NAA60: variants seen among roughly 807,000 people sequenced by gnomAD.
The protein encoded by NAA60 is N-alpha-acetyltransferase 60, NatF catalytic subunit.
Under a neutral mutation model 26.1 loss-of-function variants are expected in NAA60, and 8 were observed. The ratio of observed to expected loss-of-function variants is 0.31; its 90% confidence interval spans 0.18 to 0.55. The LOEUF (loss-of-function observed/expected upper bound fraction) is 0.55, where lower values mean the gene tolerates loss of function less well. Among genes scored for constraint, NAA60 ranks in the 20% least tolerant of loss-of-function variants. NAA60 has a pLI of 0.93. For synonymous variants in NAA60, 131 were observed against 122.5 expected (o/e 1.07, Z -0.46); for missense variants, 290 against 311.3 (o/e 0.93, Z 0.51).
chr16:3,458,014 G>A, intron 2 of NAA60: 3 of 985,340 alleles, frequency 3.0e-6, no homozygotes, highest in Non-Finnish European at 3.6e-6. Context: ...CTGCCGGCAG[G>A]GAGCGGGAGG....
intron 2 of NAA60, among the ~76,000 whole-genome samples, chr16:3,471,809 C>G (rs1055849247): frequency 2.0e-5 from 3 of 152,150 alleles, no homozygotes; most frequent in African/African-American, 7.2e-5. Flanking sequence ...CCAGGGTGGC[C>G]AGGTGGGCAG....
intron 4 of NAA60, among the ~76,000 whole-genome samples, chr16:3,482,219 C>G (rs905137603): frequency 6.6e-6 from 1 of 152,238 alleles, no homozygotes; most frequent in African/African-American, 2.4e-5. Flanking sequence ...GTGCTGGCAT[C>G]AGAGCCTCAT....
At chr16:3,455,843 A>G (rs574557691) in intron 2 of NAA60, among the ~76,000 whole-genome samples, 1 of 151,540 alleles carries the variant, frequency 6.6e-6, no homozygotes, top group African/African-American at 2.4e-5. Flanking sequence ...AGTAGCTGGG[A>G]TTACAGGCAC....
intron 2 of NAA60, chr16:3,457,929 C>T (rs2035084215): frequency 6.8e-6 from 6 of 879,288 alleles, no homozygotes; most frequent in Admixed American, 7.0e-5. Context: ...CCTGCCCGCT[C>T]CCAACATGGC....
chr16:3,478,732 G>A (rs985451263), intron 3 of NAA60, among the ~76,000 whole-genome samples: 4 of 152,084 alleles, frequency 2.6e-5, no homozygotes, highest in African/African-American at 7.2e-5. Context: ...AAACTCAAAC[G>A]CCTGTCAGCT....
intron 2 of NAA60, among the ~76,000 whole-genome samples, chr16:3,466,713 G>A (rs901812785): frequency 6.6e-6 from 1 of 152,164 alleles, no homozygotes; most frequent in Non-Finnish European, 1.5e-5. Context: ...GTGTGCTAAC[G>A]GGCAGGACTG....
In NAA60 at chr16:3,458,269, A is replaced by C. The variant is rs557188650; in HGVS notation, c.-7+9729A>C. The C allele has an allele frequency of 6.4e-5, 55 of 854,546 alleles. No individual in the cohort carries two copies. The African/African-American group carries it at 8.8e-4, about 14-fold the overall frequency. The allele number at this position is 854,546 out of a possible 1,614,324, so 52.9% of individuals were successfully genotyped here. A position where few individuals can be genotyped will look rare whatever the true frequency, so the allele number is the denominator to read the frequency against. On this transcript the variant is annotated intron_variant, in intron 2 of 7. Coordinates refer to ENST00000407558, the MANE Select transcript of NAA60 (RefSeq NM_001083601.3). ...TAGGCGGGGAGGCCGCGCCGGGGTC[A>C]GGGGGGCCAGCGCCCACCGGGTACG...
chr16:3,485,750 C>G lies in NAA60; in HGVS notation c.*490C>G, dbSNP rs762636312. On this transcript the variant is annotated 3_prime_UTR_variant, in exon 8 of 8. Transcript: ENST00000407558. ...AGGGGGCGCAATAAAGGGAATGGCC[C>G]GTCCCCTTCCAGAACCAGCCCAAAG... is the stretch of plus-strand genomic sequence containing the variant. The G allele has an allele frequency of 2.2e-5, 10 of 446,606 alleles. No homozygotes were observed. Among genetic ancestry groups the G allele is most frequent in the Non-Finnish European group, 4.5e-5 (10 of 220,714 alleles). The allele number at this position is 446,606 out of a possible 1,614,324, so 27.7% of individuals were successfully genotyped here.
At chr16:3,476,135 G>C (rs1300776538) in intron 2 of NAA60, 87 bp from the exon 3 acceptor site, 15 of 988,908 alleles carry the variant, frequency 1.5e-5, no homozygotes, top group Non-Finnish European at 2.1e-5. Flanking sequence ...GACATGCTCC[G>C]TGCTCTTCTG....
Position 3,458,234 on chromosome 16 carries a change from G to A in NAA60, c.-7+9694G>A, listed in dbSNP as rs2035115264. On this transcript the variant is annotated intron_variant, in intron 2 of 7. Transcript: ENST00000407558. ...GCTCGGACCTGCGGCGGGGCGCCGA[G>A]GGGGCGGGGTAGGCGGGGAGGCCGC... 4 of 971,446 alleles carry A rather than the reference G, an allele frequency of 4.1e-6. No homozygotes were observed. In the African/African-American group the frequency reaches 5.3e-5, roughly 13 times the overall value. 60.2% of individuals were successfully genotyped at this position (971,446 alleles called of 1,614,324 possible).
chr16:3,482,705 T>C (rs1238916950), intron 5 of NAA60, 107 bp downstream of exon 5: 1 of 767,518 alleles, frequency 1.3e-6, no homozygotes. Context: ...CAACTCTGGC[T>C]CGTGAACATC....
At chr16:3,451,613 C>T (rs911417149) in intron 2 of NAA60, among the ~76,000 whole-genome samples, 6 of 152,106 alleles carry the variant, frequency 3.9e-5, no homozygotes, top group African/African-American at 1.4e-4. Context: ...AGTTAGATTG[C>T]AGAAAGGTAA....
chr16:3,447,915 T>C (rs1327402762), intron 1 of NAA60, among the ~76,000 whole-genome samples: 1 of 152,204 alleles, frequency 6.6e-6, no homozygotes, highest in African/African-American at 2.4e-5. Context: ...GTTAATTCTG[T>C]TACCAAAAAC....
chr16:3,474,969 C>G (rs909100357), intron 2 of NAA60, among the ~76,000 whole-genome samples: 2 of 152,110 alleles, frequency 1.3e-5, no homozygotes, highest in Non-Finnish European at 2.9e-5. Context: ...TTTTTAGAGA[C>G]AGGGTCTTGC....
intron 2 of NAA60, among the ~76,000 whole-genome samples, chr16:3,471,451 C>T (rs937713832): frequency 2.6e-5 from 4 of 152,054 alleles, no homozygotes; most frequent in Non-Finnish European, 5.9e-5. Context: ...TGCAGTGAAC[C>T]GAGATCGCGC....
chr16:3,447,845 A>C (rs921137611), intron 1 of NAA60, among the ~76,000 whole-genome samples: 1 of 152,196 alleles, frequency 6.6e-6, no homozygotes, highest in African/African-American at 2.4e-5. Context: ...CCTTGAGTTG[A>C]AACTAATAGG....
At position 3,485,698 on chromosome 16, in the gene NAA60, C is replaced by T. The variant is rs927734274; in HGVS notation, c.*438C>T. 6 of 456,468 alleles carry T rather than the reference C, an allele frequency of 1.3e-5. No homozygotes were observed. The highest frequency in any genetic ancestry group is 1.2e-4 in the Admixed American group (5 of 42,554). The allele number at this position is 456,468 out of a possible 1,614,324, so 28.3% of individuals were successfully genotyped here. On this transcript the variant is annotated 3_prime_UTR_variant, in exon 8 of 8. Coordinates refer to ENST00000407558, the MANE Select transcript of NAA60 (RefSeq NM_001083601.3). ...ACGCAAGTATTATGGACACACTTGA[C>T]CGTAAAGGCACAGGAGCCTCGGAAC...
chr16:3,470,863 T>C (rs2036089377), intron 2 of NAA60, among the ~76,000 whole-genome samples: 1 of 152,216 alleles, frequency 6.6e-6, no homozygotes. Flanking sequence ...GAGTCTCTGT[T>C]TCGTGCACCT....
intron 1 of NAA60, among the ~76,000 whole-genome samples, chr16:3,444,199 C>T (rs978805013): frequency 6.6e-6 from 1 of 152,248 alleles, no homozygotes; most frequent in Admixed American, 6.5e-5. Context: ...GCAGCCTACC[C>T]TAGAGCCAGT....
Sources: allele counts gnomAD v4.1 joint callset (sites outside exome capture counted in the v4.1 genomes callset), GRCh38; gene constraint gnomAD v4.1.1; transcripts MANE v1.5; gene names NCBI Gene and HGNC (gene_info 2026-07-23, HGNC 2026-07-21).